The following CELF2 variants were observed in gnomAD, a reference collection of about 807,000 sequenced individuals.
CELF2 encodes CUG triplet repeat RNA-binding protein 2.
A neutral mutation model predicts 62.6 loss-of-function variants in CELF2; 8 were observed. The ratio of observed to expected loss-of-function variants is 0.13; its 90% CI spans 0.07 to 0.23. The LOEUF (loss-of-function observed/expected upper bound fraction) is 0.23, where lower values mean the gene tolerates loss of function less well. CELF2 is among the 10% of genes least tolerant of loss of function. CELF2 has a pLI of 1.00. For synonymous variants in CELF2, 258 were observed against 250.0 expected (o/e 1.03, Z -0.30); for missense variants, 333 against 671.0 (o/e 0.50, Z 5.56).
chr10:11,059,122 C>T (rs763616430), intron 1 of CELF2, among the ~76,000 whole-genome samples: 3 of 152,184 alleles, frequency 2.0e-5, no homozygotes, highest in Non-Finnish European at 4.4e-5. Flanking sequence ...ACATGGTTAA[C>T]AAACTGCTAC....
chr10:10,565,583 A>G, the CELF2 span, among the ~76,000 whole-genome samples: 3 of 152,222 alleles, frequency 2.0e-5, no homozygotes, highest in Non-Finnish European at 4.4e-5. Flanking sequence ...GAGGGTCCAA[A>G]GGCCACCATG....
chr10:10,732,061 A>G, the CELF2 span, among the ~76,000 whole-genome samples: 3,930 of 152,244 alleles, frequency 0.026, 73 homozygotes, highest in Non-Finnish European at 0.039. Context: ...GGCCTGGAAA[A>G]GGGAACAAAA....
chr10:10,958,225 G>C (rs1187519345), intron 2 of CELF2, among the ~76,000 whole-genome samples: 3 of 152,180 alleles, frequency 2.0e-5, no homozygotes, highest in African/African-American at 7.2e-5. Context: ...TCTGTGCTTG[G>C]CTTTTTCCCA....
intron 4 of CELF2, among the ~76,000 whole-genome samples, chr10:11,252,323 A>G (rs2137493641): frequency 6.6e-6 from 1 of 152,378 alleles, no homozygotes; most frequent in South Asian, 2.1e-4. Flanking sequence ...TGAAAGAAGT[A>G]TAACGAGCTC....
chr10:10,913,989 A>G (rs1490459302), intron 1 of CELF2, among the ~76,000 whole-genome samples: 1 of 150,690 alleles, frequency 6.6e-6, no homozygotes, highest in Non-Finnish European at 1.5e-5. Flanking sequence ...AGGGAAGGGG[A>G]AGAGAGGGGA....
chr10:10,746,880 C>T, the CELF2 span, among the ~76,000 whole-genome samples: 1 of 152,182 alleles, frequency 6.6e-6, no homozygotes. Flanking sequence ...TATGCCTTCG[C>T]AGTTTTCCAA....
chr10:10,930,321 G>A (rs1285851860), intron 2 of CELF2, among the ~76,000 whole-genome samples: 1 of 152,172 alleles, frequency 6.6e-6, no homozygotes, highest in Non-Finnish European at 1.5e-5. Context: ...CTTTATAAGA[G>A]GATAGCAAAG....
At chr10:10,961,604 G>T (rs1192605337) in intron 2 of CELF2, among the ~76,000 whole-genome samples, 1 of 151,782 alleles carries the variant, frequency 6.6e-6, no homozygotes, top group African/African-American at 2.4e-5. Flanking sequence ...AAATTAGCCG[G>T]GTGTGGTAGT....
the CELF2 span, among the ~76,000 whole-genome samples, chr10:10,755,775 A>T: frequency 3.4e-3 from 515 of 152,312 alleles, 4 homozygotes; most frequent in Non-Finnish European, 5.1e-3. Flanking sequence ...GATTCACAAG[A>T]CACCTGAGCT....
At chr10:10,944,070 C>A (rs2047370404) in intron 2 of CELF2, 1 of 152,504 alleles carries the variant, frequency 6.6e-6, no homozygotes, top group Admixed American at 6.5e-5. Context: ...TTGGGTCTAT[C>A]TAGGTGTGTG....
intron 12 of CELF2, among the ~76,000 whole-genome samples, chr10:11,327,430 G>A (rs181135826): frequency 6.6e-6 from 1 of 152,304 alleles, no homozygotes. Context: ...AGCTGTTAGT[G>A]TCAGCAGACA....
intron 1 of CELF2, among the ~76,000 whole-genome samples, chr10:11,084,535 A>G (rs1314140517): frequency 6.6e-6 from 1 of 152,224 alleles, no homozygotes; most frequent in African/African-American, 2.4e-5. Context: ...AGAAAGATGG[A>G]CAGTATATTA....
chr10:10,533,416 T>C, the CELF2 span, among the ~76,000 whole-genome samples: 8 of 152,318 alleles, frequency 5.3e-5, no homozygotes, highest in Non-Finnish European at 1.0e-4. Context: ...TATGGAGACA[T>C]AGGAAGGTAC....
the CELF2 span, among the ~76,000 whole-genome samples, chr10:10,763,026 A>G: frequency 6.6e-6 from 1 of 152,248 alleles, no homozygotes; most frequent in Non-Finnish European, 1.5e-5. Flanking sequence ...AGTTCATGTT[A>G]GCAGTCCTAG....
At chr10:10,720,132 C>A in the CELF2 span, among the ~76,000 whole-genome samples, 1 of 152,232 alleles carries the variant, frequency 6.6e-6, no homozygotes, top group Non-Finnish European at 1.5e-5. Flanking sequence ...GTCAGAAGCG[C>A]TGGGGCTCTG....
the CELF2 span, among the ~76,000 whole-genome samples, chr10:10,773,143 TG>T: frequency 6.6e-6 from 1 of 152,144 alleles, no homozygotes; most frequent in African/African-American, 2.4e-5. Context: ...AACACAAATA[TG>T]GTGTTGATTT....
chr10:10,473,267 A>G, the CELF2 span, among the ~76,000 whole-genome samples: 1 of 151,988 alleles, frequency 6.6e-6, no homozygotes, highest in Non-Finnish European at 1.5e-5. Flanking sequence ...GTGAAGGCAG[A>G]GACCAGAGTT....
the CELF2 span, among the ~76,000 whole-genome samples, chr10:10,514,127 T>C: frequency 6.6e-6 from 1 of 152,224 alleles, no homozygotes; most frequent in Admixed American, 6.5e-5. Context: ...CCTGGGAGCT[T>C]TCCAAGATGT....
chr10:10,646,222 C>A, the CELF2 span, among the ~76,000 whole-genome samples: 1 of 152,064 alleles, frequency 6.6e-6, no homozygotes, highest in East Asian at 1.9e-4. Flanking sequence ...GGAATGGGGA[C>A]AGAAAGGAAG....
Sources: allele counts gnomAD v4.1 joint callset (sites outside exome capture counted in the v4.1 genomes callset), GRCh38; gene constraint gnomAD v4.1.1; transcripts MANE v1.5; gene names NCBI Gene and HGNC (gene_info 2026-07-23, HGNC 2026-07-21).